MYBL2: variants seen among roughly 807,000 people sequenced by gnomAD.
The protein encoded by MYBL2 is MYB proto-oncogene like 2.
MYBL2 carries 28 observed loss-of-function variants against 79.9 expected under a neutral mutation model. The observed-to-expected ratio is 0.35, with a 90% confidence interval of 0.26 to 0.48. The LOEUF (loss-of-function observed/expected upper bound fraction) is 0.48, where lower values mean the gene tolerates loss of function less well. Ranked by LOEUF, MYBL2 falls within the 20% of genes least tolerant of loss-of-function variation. MYBL2 has a pLI of 0.99. For synonymous variants in MYBL2, 378 were observed against 361.2 expected (o/e 1.05, Z -0.53); for missense variants, 735 against 893.9 (o/e 0.82, Z 2.27).
chr20:43,696,623 C>T (rs1292738605), intron 6 of MYBL2, among the ~76,000 whole-genome samples: 1 of 152,306 alleles, frequency 6.6e-6, no homozygotes, highest in Admixed American at 6.5e-5. Context: ...CCTGAATTTG[C>T]CGTATCTTAT....
In MYBL2 at chr20:43,715,235, G is replaced by C. The variant is rs779823625; in HGVS notation, c.1926G>C (p.Lys642Asn). The change falls in exon 13 of 14, where the codon AAG becomes AAC. Residue 642 changes from lysine to asparagine, a missense_variant. Physicochemically the swap from Lys to Asn is moderately conservative, Grantham distance 94. Around this residue, in one of 5 missense-constraint regions of MYBL2, gnomAD observed 204 missense variants for 202.9 expected, o/e 1.01. Transcript: ENST00000217026. ...GCTTCTTGCAGGCCAAGCCCGAGAA[G>C]GCAGCAGTGGCCCAGAAGCCCCGAA... ...NQGFLQAKPE[K>N]AAVAQKPRSH... The C allele has an allele frequency of 6.2e-6, 10 of 1,614,258 alleles. No homozygotes were observed. The Middle Eastern group carries it at 4.9e-4, about 80-fold the overall frequency.
chr20:43,692,217 A>G lies in MYBL2; in HGVS notation c.561A>G (p.Gly187=). Reference sequence around the variant, plus strand: ...CCATCAAAAGGAAGGTGGACACAGGAGGCTTCTTGAGCGAGTCCAAAGACT... The same window carrying G: ...CCATCAAAAGGAAGGTGGACACAGGGGGCTTCTTGAGCGAGTCCAAAGACT... ...NSTIKRKVDT[G]GFLSESKDCK... Residue 187 remains glycine (G), a synonymous_variant, in exon 6 of 14, where the codon GGA becomes GGG. Transcript: ENST00000217026. The G allele has an allele frequency of 6.2e-7, 1 of 1,614,152 alleles. No individual in the cohort carries two copies. The highest frequency in any genetic ancestry group is 1.1e-5 in the South Asian group (1 of 91,086).
intron 8 of MYBL2, among the ~76,000 whole-genome samples, chr20:43,703,206 C>T (rs7347231): frequency 0.13 from 19,123 of 152,096 alleles, 1,527 homozygotes; most frequent in African/African-American, 0.23. Context: ...GTTCAGTCCA[C>T]GTATGGAACC....
intron 5 of MYBL2, among the ~76,000 whole-genome samples, chr20:43,689,274 T>A (rs1987351394): frequency 6.6e-6 from 1 of 152,210 alleles, no homozygotes; most frequent in Non-Finnish European, 1.5e-5. Flanking sequence ...GATGGTGTGT[T>A]TTCCCCAAAG....
chr20:43,709,726 T>C (rs1244263738), intron 9 of MYBL2, among the ~76,000 whole-genome samples: 1 of 152,196 alleles, frequency 6.6e-6, no homozygotes, highest in Non-Finnish European at 1.5e-5. Flanking sequence ...GGACCATGAC[T>C]GAGCAGCATT....
intron 2 of MYBL2, among the ~76,000 whole-genome samples, chr20:43,681,583 C>G (rs1024007561): frequency 6.6e-6 from 1 of 152,230 alleles, no homozygotes; most frequent in African/African-American, 2.4e-5. Flanking sequence ...CTTCCATTGG[C>G]AGCTGGCTCC....
chr20:43,682,702 C>T, intron 3 of MYBL2, 92 bp from the exon 4 acceptor site: 1 of 1,171,230 alleles, frequency 8.5e-7, no homozygotes, highest in South Asian at 1.2e-5. Context: ...AGTCCCAGGC[C>T]ATAGGCCCCT....
chr20:43,696,276 T>C (rs1490430612), intron 6 of MYBL2, among the ~76,000 whole-genome samples: 1 of 152,080 alleles, frequency 6.6e-6, no homozygotes, highest in Non-Finnish European at 1.5e-5. Context: ...GTTTTGCTCT[T>C]GTTGCCCAGG....
At chr20:43,693,839 C>T (rs1295675751) in intron 6 of MYBL2, among the ~76,000 whole-genome samples, 1 of 151,784 alleles carries the variant, frequency 6.6e-6, no homozygotes, top group Admixed American at 6.6e-5. Flanking sequence ...TCTCTTGAGC[C>T]CAGGAGTTTA....
At chr20:43,691,837 C>T (rs915918582) in intron 5 of MYBL2, among the ~76,000 whole-genome samples, 2 of 150,828 alleles carry the variant, frequency 1.3e-5, no homozygotes, top group Non-Finnish European at 2.9e-5. Context: ...CCACCGCACT[C>T]GGCAATTTTT....
At chr20:43,676,417 G>T (rs924842547) in intron 2 of MYBL2, among the ~76,000 whole-genome samples, 13 of 152,156 alleles carry the variant, frequency 8.5e-5, no homozygotes, top group African/African-American at 3.1e-4. Flanking sequence ...TGTTTTGCCT[G>T]TTCTTGAATC....
chr20:43,691,415 G>A (rs1485631730), intron 5 of MYBL2, among the ~76,000 whole-genome samples: 2 of 152,016 alleles, frequency 1.3e-5, no homozygotes, highest in South Asian at 2.1e-4. Flanking sequence ...TCCACCTCCC[G>A]GGTTTAAGCG....
chr20:43,675,720 T>C (rs764459270), intron 2 of MYBL2, among the ~76,000 whole-genome samples: 1 of 151,790 alleles, frequency 6.6e-6, no homozygotes, highest in Non-Finnish European at 1.5e-5. Flanking sequence ...CTCCAGGAAA[T>C]TGCTGATTTG....
chr20:43,673,699 C>G lies in MYBL2; in HGVS notation c.21-107C>G, dbSNP rs747814829. The G allele has an allele frequency of 9.9e-6, 10 of 1,012,984 alleles. No homozygotes were observed. The Admixed American group carries it at 1.4e-4, about 14-fold the overall frequency. 62.7% of individuals were successfully genotyped at this position (1,012,984 alleles called of 1,614,324 possible). On this transcript the variant is annotated intron_variant, in intron 1 of 13. Coordinates refer to ENST00000217026, the MANE Select transcript of MYBL2 (RefSeq NM_002466.4). ...AAAAGAAGAAAAAGTAAGAGCCTCT[C>G]TCCCCCAGACCTTTCCCTAGGGTGG...
chr20:43,712,869 A>G, intron 11 of MYBL2, 133 bp from the exon 12 acceptor site: 1 of 677,966 alleles, frequency 1.5e-6, no homozygotes, highest in Non-Finnish European at 2.6e-6. Flanking sequence ...GATTCCCACT[A>G]GCTGGGCCTT....
At chr20:43,699,707 A>G in intron 6 of MYBL2, 50 bp from the exon 7 acceptor site, 1 of 1,586,514 alleles carries the variant, frequency 6.3e-7, no homozygotes, top group Non-Finnish European at 8.6e-7. Flanking sequence ...AAACTACTAT[A>G]TAGTCTATAT....
intron 5 of MYBL2, among the ~76,000 whole-genome samples, chr20:43,691,838 G>A (rs963622743): frequency 1.3e-5 from 2 of 151,306 alleles, no homozygotes; most frequent in African/African-American, 4.9e-5. Context: ...CACCGCACTC[G>A]GCAATTTTTT....
chr20:43,706,862 C>T (rs1339400445), intron 9 of MYBL2, among the ~76,000 whole-genome samples: 4 of 150,672 alleles, frequency 2.7e-5, no homozygotes, highest in African/African-American at 9.8e-5. Context: ...ATTACAGGCA[C>T]GCGCCACCAC....
At position 43,715,363 on chromosome 20, in the gene MYBL2, G is replaced by A; in HGVS notation, c.1974+80G>A. 21 of 1,587,516 alleles carry A rather than the reference G, an allele frequency of 1.3e-5. No homozygotes were observed. In the South Asian group the frequency reaches 1.4e-4, roughly 10 times the overall value. ...GGCTGAGTGCTGGCCATCCCTGGGGGTCCTGCAGTGCCCGCCTTCTTAGCT... is the reference window on the plus strand; with the variant it reads ...GGCTGAGTGCTGGCCATCCCTGGGGATCCTGCAGTGCCCGCCTTCTTAGCT... On this transcript the variant is annotated intron_variant, in intron 13 of 13. Coordinates refer to ENST00000217026, the MANE Select transcript of MYBL2 (RefSeq NM_002466.4).
Sources: allele counts gnomAD v4.1 joint callset (sites outside exome capture counted in the v4.1 genomes callset), GRCh38; gene constraint gnomAD v4.1.1; regional missense constraint gnomAD v4.1.1; transcripts MANE v1.5; gene names NCBI Gene and HGNC (gene_info 2026-07-23, HGNC 2026-07-21).